Variants in VPS53 observed in about 807,000 individuals in gnomAD.
VPS53 encodes the protein VPS53 subunit of GARP complex, also known as vacuolar protein sorting-associated protein 53 homolog.
Under a neutral mutation model 107.0 loss-of-function variants are expected in VPS53, and 70 were observed. The observed-to-expected ratio is 0.65, with a 90% confidence interval of 0.54 to 0.80. The LOEUF is 0.80. VPS53 is among the 30% of genes least tolerant of loss of function. The probability of loss-of-function intolerance (pLI) is 0.00; values close to 1 mark genes in which losing one functional copy is unlikely to be tolerated. For missense variants in VPS53, 917 were observed against 1,049.4 expected (o/e 0.87, Z 1.74); for synonymous variants, 409 against 393.3 (o/e 1.04, Z -0.47).
intron 11 of VPS53, among the ~76,000 whole-genome samples, chr17:619,024 G>GT (rs1969313741): frequency 8.3e-6 from 1 of 120,812 alleles, no homozygotes; most frequent in Non-Finnish European, 1.8e-5. Flanking sequence ...TGGGACTACA[G>GT]GCGCACACCA....
rs1422244195 is a variant in VPS53, at chr17:514,992, G to A, written c.*4136C>T. 3 of 152,232 alleles carry A rather than the reference G, an allele frequency of 2.0e-5. No homozygotes were observed. Among genetic ancestry groups the A allele is most frequent in the African/African-American group, 7.2e-5 (3 of 41,450 alleles). The allele number at this position is 152,232 out of a possible 1,614,324, so 9.4% of individuals were successfully genotyped here. A position where few individuals can be genotyped will look rare whatever the true frequency, so the allele number is the denominator to read the frequency against. On this transcript the variant is annotated 3_prime_UTR_variant, in exon 22 of 22. Transcript: ENST00000437048. ...TCATTGTTAAGAGTCCACACAGGAT[G>A]TTCTCTGGCCTGGACACCGCTAAGC...
intron 17 of VPS53, among the ~76,000 whole-genome samples, chr17:547,747 C>T (rs549375566): frequency 2.6e-5 from 4 of 152,290 alleles, no homozygotes; most frequent in African/African-American, 2.4e-5. Flanking sequence ...AAGAGATTCT[C>T]CTACCTCAGC....
chr17:584,686 A>C (rs576181494), intron 13 of VPS53, among the ~76,000 whole-genome samples: 1 of 152,134 alleles, frequency 6.6e-6, no homozygotes, highest in South Asian at 2.1e-4. Context: ...ACACCTGACT[A>C]GTTTTTTTAA....
At chr17:689,178 A>G (rs1275395119) in intron 4 of VPS53, among the ~76,000 whole-genome samples, 2 of 152,188 alleles carry the variant, frequency 1.3e-5, no homozygotes, top group African/African-American at 4.8e-5. Flanking sequence ...AGGATGAGAG[A>G]AAGGATCAAT....
intron 1 of VPS53, among the ~76,000 whole-genome samples, chr17:713,881 A>C (rs368804434): frequency 0.012 from 774 of 62,186 alleles, 7 homozygotes; most frequent in African/African-American, 0.039. Flanking sequence ...TCTTTACCCC[A>C]AAAAAAAAAA....
intron 2 of VPS53, among the ~76,000 whole-genome samples, chr17:702,592 G>A (rs2143956791): frequency 6.6e-6 from 1 of 152,258 alleles, no homozygotes. Context: ...CTTGAACCCA[G>A]GAAGCAGAGG....
rs1195835497 is a variant in VPS53, at chr17:543,783, A to AGAAGGAAGGAAGGAAGGAAG, written c.1867-6627_1867-6608dup. On this transcript the variant is annotated intron_variant, in intron 17 of 21. Coordinates refer to ENST00000437048, the MANE Select transcript of VPS53 (RefSeq NM_001128159.3). ...TGGCTTTGGGCATAATATGAAGAAG[A>AGAAGGAAGGAAGGAAGGAAG]GAAGGAAGGAAGGAAGGAAGGAAGG... Among the ~76,000 whole-genome samples, 314 of 43,152 alleles carry AGAAGGAAGGAAGGAAGGAAG rather than the reference A, an allele frequency of 7.3e-3. 44 individuals are homozygous for AGAAGGAAGGAAGGAAGGAAG. The highest frequency in any genetic ancestry group is 0.052 in the African/African-American group (234 of 4,520). The allele number at this position is 43,152 out of a possible 152,430, so 28.3% of individuals were successfully genotyped here.
intron 18 of VPS53, among the ~76,000 whole-genome samples, chr17:533,441 A>C (rs1909760541): frequency 6.6e-6 from 1 of 152,136 alleles, no homozygotes; most frequent in South Asian, 2.1e-4. Context: ...CTCCAGCCTC[A>C]TCCTGCTAAG....
chr17:562,947 T>A (rs373862952), intron 13 of VPS53, among the ~76,000 whole-genome samples: 1 of 152,172 alleles, frequency 6.6e-6, no homozygotes, highest in Non-Finnish European at 1.5e-5. Context: ...ATCTGACATA[T>A]GAGATTCTAA....
chr17:600,632 C>T (rs1968285450), intron 12 of VPS53, among the ~76,000 whole-genome samples: 1 of 152,132 alleles, frequency 6.6e-6, no homozygotes, highest in Non-Finnish European at 1.5e-5. Flanking sequence ...AGTTCTATGT[C>T]CTCTACTCTT....
intron 13 of VPS53, among the ~76,000 whole-genome samples, chr17:581,165 G>A (rs549392992): frequency 4.7e-5 from 7 of 147,932 alleles, no homozygotes; most frequent in East Asian, 2.1e-4. Flanking sequence ...AAGCTAGTGC[G>A]TTCGCAGAGA....
intron 17 of VPS53, chr17:540,652 T>C (rs1910561921): frequency 6.6e-6 from 1 of 152,236 alleles, no homozygotes; most frequent in African/African-American, 2.4e-5. Flanking sequence ...CACTTAAAAT[T>C]GTTTCTTGTT....
At chr17:566,138 A>G (rs1913483019) in intron 13 of VPS53, among the ~76,000 whole-genome samples, 2 of 145,212 alleles carry the variant, frequency 1.4e-5, no homozygotes, top group African/African-American at 2.6e-5. Context: ...CGGGAGGCGG[A>G]GCTTGCAGTG....
chr17:611,617 G>A lies in VPS53; in HGVS notation c.1117-9721C>T, dbSNP rs78703724. 4.7e-3 allele frequency among the ~76,000 whole-genome samples: 709 copies of A among 152,346 alleles called. 3 individuals are homozygous for A. Among genetic ancestry groups the A allele is most frequent in the African/African-American group, 0.016 (677 of 41,576 alleles). On this transcript the variant is annotated intron_variant, in intron 11 of 21. Coordinates refer to ENST00000437048, the MANE Select transcript of VPS53 (RefSeq NM_001128159.3). Reference sequence around the variant, plus strand: ...ACAAGAATAGGAAACACGCTGACACGAAAACCTGTACAAATATTCACAGCA... The same window carrying A: ...ACAAGAATAGGAAACACGCTGACACAAAAACCTGTACAAATATTCACAGCA...
intron 2 of VPS53, among the ~76,000 whole-genome samples, chr17:707,514 T>A (rs900855953): frequency 8.0e-5 from 9 of 113,114 alleles, no homozygotes; most frequent in Non-Finnish European, 7.3e-5. Flanking sequence ...GAATGAGACT[T>A]TGTCTCAAAA....
chr17:625,030 A>T, intron 10 of VPS53, among the ~76,000 whole-genome samples: 1 of 127,596 alleles, frequency 7.8e-6, no homozygotes, highest in South Asian at 2.4e-4. Context: ...TCACTCTGTC[A>T]CCCAGGGCTG....
intron 17 of VPS53, among the ~76,000 whole-genome samples, chr17:541,177 C>T (rs1910608255): frequency 6.6e-6 from 1 of 152,208 alleles, no homozygotes; most frequent in Non-Finnish European, 1.5e-5. Context: ...TACTCAGGCA[C>T]ACACGTACAC....
rs1481425050 is a variant in VPS53, at chr17:691,374, G to A, written c.285+6044C>T. Among the ~76,000 whole-genome samples, 8 of 152,314 alleles carry A rather than the reference G, an allele frequency of 5.3e-5. No homozygotes were observed. The South Asian group carries it at 1.4e-3, about 28-fold the overall frequency. The stretch of plus-strand genomic sequence containing the variant: ...GTCCTGTGGACCAACAAAGTAGCAA[G>A]CTCCCCATCACTGAAAGTAGCCAAG... On this transcript the variant is annotated intron_variant, in intron 4 of 21. Coordinates refer to ENST00000437048, the MANE Select transcript of VPS53 (RefSeq NM_001128159.3).
intron 7 of VPS53, among the ~76,000 whole-genome samples, chr17:641,013 C>T (rs889806670): frequency 2.6e-5 from 4 of 152,088 alleles, no homozygotes; most frequent in African/African-American, 9.7e-5. Context: ...TGCCACCACG[C>T]CTGGCTAATT....
Sources: allele counts gnomAD v4.1 joint callset (sites outside exome capture counted in the v4.1 genomes callset), GRCh38; gene constraint gnomAD v4.1.1; transcripts MANE v1.5; gene names NCBI Gene and HGNC (gene_info 2026-07-23, HGNC 2026-07-21).